Variants in LRRC37A2 observed in about 807,000 individuals in gnomAD.
LRRC37A2 encodes the protein leucine-rich repeat-containing protein 37A2.
A neutral mutation model predicts 68.8 loss-of-function variants in LRRC37A2; 9 were observed. The observed-to-expected ratio is 0.13, with a 90% CI of 0.08 to 0.23. LRRC37A2 has a LOEUF of 0.23. Ranked by LOEUF, LRRC37A2 falls within the 10% of genes least tolerant of loss-of-function variation. The pLI is 1.00. For synonymous variants in LRRC37A2, 63 were observed against 367.6 expected, an observed-to-expected ratio of 0.17 and a Z score of 9.48; for missense variants, 168 against 950.4, an observed-to-expected ratio of 0.18 and a Z score of 10.82.
the LRRC37A2 span, among the ~76,000 whole-genome samples, chr17:47,001,652 C>G: frequency 6.6e-6 from 1 of 151,800 alleles, no homozygotes; most frequent in African/African-American, 2.4e-5. Context: ...CTGCTTCCTG[C>G]CCTTTCTACT....
the LRRC37A2 span, among the ~76,000 whole-genome samples, chr17:47,020,522 G>C: frequency 2.0e-5 from 3 of 151,292 alleles, no homozygotes; most frequent in South Asian, 6.3e-4. Flanking sequence ...GCTCACGCCT[G>C]TAATCCCAGC....
the LRRC37A2 span, among the ~76,000 whole-genome samples, chr17:46,405,670 G>A: frequency 3.1e-5 from 2 of 65,376 alleles, no homozygotes; most frequent in East Asian, 2.8e-4. Context: ...CCCGGGAGGC[G>A]GAGCTTGCAG....
chr17:46,608,085 C>T, the LRRC37A2 span, among the ~76,000 whole-genome samples: 1 of 124,180 alleles, frequency 8.1e-6, no homozygotes, highest in Admixed American at 9.0e-5. Flanking sequence ...CCGAGCTGGG[C>T]GGATCACGAG....
At chr17:46,950,638 G>A in the LRRC37A2 span, among the ~76,000 whole-genome samples, 2 of 152,118 alleles carry the variant, frequency 1.3e-5, no homozygotes, top group African/African-American at 4.8e-5. Flanking sequence ...AGATGACCCC[G>A]AGCAGCAAGG....
At chr17:46,860,476 C>T in the LRRC37A2 span, among the ~76,000 whole-genome samples, 1 of 152,180 alleles carries the variant, frequency 6.6e-6, no homozygotes, top group East Asian at 1.9e-4. Flanking sequence ...GAGTTCAAAT[C>T]TCCATCTACC....
chr17:46,923,475 G>T, the LRRC37A2 span: 1 of 1,391,860 alleles, frequency 7.2e-7, no homozygotes, highest in Non-Finnish European at 9.3e-7. Context: ...CTACCTGCTG[G>T]GTAGACTGGG....
At chr17:46,952,433 G>A in the LRRC37A2 span, among the ~76,000 whole-genome samples, 3 of 152,102 alleles carry the variant, frequency 2.0e-5, no homozygotes, top group African/African-American at 7.2e-5. Context: ...ATTCTCACTA[G>A]CTACACGCCA....
At chr17:46,981,801 G>A in the LRRC37A2 span, among the ~76,000 whole-genome samples, 1 of 152,050 alleles carries the variant, frequency 6.6e-6, no homozygotes, top group Non-Finnish European at 1.5e-5. Context: ...TGATCACCTG[G>A]CTCAAGTGAT....
chr17:46,887,229 G>A, the LRRC37A2 span, among the ~76,000 whole-genome samples: 1 of 152,164 alleles, frequency 6.6e-6, no homozygotes, highest in Non-Finnish European at 1.5e-5. Flanking sequence ...GATAATTAAT[G>A]AGGGATACTG....
At chr17:46,415,915 TC>T in the LRRC37A2 span, among the ~76,000 whole-genome samples, 5 of 75,958 alleles carry the variant, frequency 6.6e-5, 2 homozygotes, top group African/African-American at 1.8e-4. Context: ...CTCCTTAGCC[TC>T]CCAAAGTGCT....
At chr17:46,818,544 C>A in the LRRC37A2 span, 1 of 1,608,740 alleles carries the variant, frequency 6.2e-7, no homozygotes, top group Non-Finnish European at 8.5e-7. Context: ...CAGCGAGGAC[C>A]CTGGTGCCAC....
the LRRC37A2 span, among the ~76,000 whole-genome samples, chr17:46,943,553 G>A: frequency 2.6e-5 from 4 of 152,176 alleles, no homozygotes; most frequent in African/African-American, 9.7e-5. Flanking sequence ...CATACTGCAC[G>A]CTTCCTGCGG....
the LRRC37A2 span, among the ~76,000 whole-genome samples, chr17:46,799,901 A>G: frequency 6.6e-6 from 1 of 152,178 alleles, no homozygotes; most frequent in African/African-American, 2.4e-5. Context: ...TGGGATTTGC[A>G]CCACAGGTGG....
chr17:46,851,245 G>A, the LRRC37A2 span, among the ~76,000 whole-genome samples: 1 of 151,952 alleles, frequency 6.6e-6, no homozygotes, highest in South Asian at 2.1e-4. The surrounding 1 kb of genome is among the most constrained non-coding windows in gnomAD (Gnocchi z 4.3). Flanking sequence ...GCTTGCCTCC[G>A]CCCCATCCCG....
At chr17:46,876,521 C>T in the LRRC37A2 span, 5 of 1,613,642 alleles carry the variant, frequency 3.1e-6, no homozygotes, top group Middle Eastern at 6.6e-4. Context: ...CTTCTGCCGG[C>T]CCAGCAAGTA....
At chr17:46,936,888 T>G in the LRRC37A2 span, 1 of 944,774 alleles carries the variant, frequency 1.1e-6, no homozygotes, top group Non-Finnish European at 1.3e-6. Context: ...AATGTAGATT[T>G]TGGATTCCTG....
the LRRC37A2 span, among the ~76,000 whole-genome samples, chr17:46,793,398 T>C: frequency 2.6e-5 from 4 of 151,584 alleles, no homozygotes; most frequent in Admixed American, 6.6e-5. Context: ...GCTCTGCTGC[T>C]CCGGCCGCTG....
chr17:46,641,922 GTACAT>G, the LRRC37A2 span, among the ~76,000 whole-genome samples: 1 of 122,830 alleles, frequency 8.1e-6, no homozygotes, highest in African/African-American at 3.3e-5. Context: ...TATTGATCTA[GTACAT>G]TTATGAAGTG....
the LRRC37A2 span, among the ~76,000 whole-genome samples, chr17:46,492,313 A>G: frequency 6.6e-6 from 1 of 150,974 alleles, no homozygotes; most frequent in Non-Finnish European, 1.5e-5. Flanking sequence ...ATACGTGTAC[A>G]GTGCATAATG....
Sources: allele counts gnomAD v4.1 joint callset (sites outside exome capture counted in the v4.1 genomes callset), GRCh38; gene constraint gnomAD v4.1.1; non-coding constraint Gnocchi (gnomAD v3.1); transcripts MANE v1.5; gene names NCBI Gene and HGNC (gene_info 2026-07-23, HGNC 2026-07-21).